NRG3: variants seen among roughly 807,000 people sequenced by gnomAD.
NRG3 encodes neuregulin 3.
In NRG3, 31 loss-of-function variants were observed where a neutral mutation model predicts 66.9. The observed-to-expected ratio is 0.46, with a 90% CI of 0.35 to 0.63. The LOEUF (loss-of-function observed/expected upper bound fraction) is 0.63, where lower values mean the gene tolerates loss of function less well. Ranked by LOEUF, NRG3 falls within the 20% of genes least tolerant of loss-of-function variation. The pLI is 0.00. For synonymous variants in NRG3, 393 were observed against 359.4 expected, an observed-to-expected ratio of 1.09 and a Z score of -1.06; for missense variants, 910 against 878.9, an observed-to-expected ratio of 1.04 and a Z score of -0.45.
intron 1 of NRG3, among the ~76,000 whole-genome samples, chr10:82,113,176 A>C (rs775789931): frequency 3.9e-5 from 6 of 152,164 alleles, no homozygotes; most frequent in Non-Finnish European, 8.8e-5. Context: ...GCAGTGGGCT[A>C]AATGCTTTTC....
At chr10:82,729,997 G>A (rs990694631) in intron 2 of NRG3, among the ~76,000 whole-genome samples, 1 of 151,800 alleles carries the variant, frequency 6.6e-6, no homozygotes, top group Admixed American at 6.6e-5. Context: ...AAAAACCATA[G>A]CAATTTTATG....
intron 2 of NRG3, among the ~76,000 whole-genome samples, chr10:82,737,397 T>G (rs551963136): frequency 6.6e-6 from 1 of 152,312 alleles, no homozygotes; most frequent in South Asian, 2.1e-4. Flanking sequence ...TTTAATAGCT[T>G]ATTACACTCA....
chr10:82,631,727 G>C (rs1434724617), intron 2 of NRG3, among the ~76,000 whole-genome samples: 1 of 151,722 alleles, frequency 6.6e-6, no homozygotes, highest in Non-Finnish European at 1.5e-5. Flanking sequence ...GTCTTTGTTA[G>C]TTTTGTTTTT....
intron 2 of NRG3, among the ~76,000 whole-genome samples, chr10:82,631,097 G>A (rs575523211): frequency 1.3e-5 from 2 of 152,194 alleles, no homozygotes; most frequent in South Asian, 4.1e-4. Context: ...TTCTTTTCAG[G>A]ATGAGGTCTG....
chr10:82,966,578 C>T (rs1851227019), intron 6 of NRG3, among the ~76,000 whole-genome samples: 1 of 152,160 alleles, frequency 6.6e-6, no homozygotes, highest in Non-Finnish European at 1.5e-5. Context: ...TCTTCTCTCT[C>T]CTTTTGCATA....
chr10:82,818,372 G>A (rs1050543845), intron 3 of NRG3, among the ~76,000 whole-genome samples: 2 of 152,086 alleles, frequency 1.3e-5, no homozygotes, highest in Non-Finnish European at 2.9e-5. Context: ...CTGTGGAAGA[G>A]GGCAACTAAC....
rs181146414 is a variant in NRG3 at position 82,757,822 on chromosome 10, A to T, written c.1027+19172A>T. Among the ~76,000 whole-genome samples the T allele has an allele frequency of 2.4e-4, 37 of 151,742 alleles. No homozygotes were observed. In the East Asian group the frequency reaches 5.6e-3, roughly 23 times the overall value. ...GAATAATTGCTCTCACTCTAATGGA[A>T]TTTTTTTTTAAATTTCTTAACAAAT... On this transcript the variant is annotated intron_variant, in intron 3 of 8. Coordinates refer to ENST00000372141, the MANE Select transcript of NRG3 (RefSeq NM_001010848.4).
At chr10:82,088,731 A>G (rs554543736) in intron 1 of NRG3, among the ~76,000 whole-genome samples, 1 of 152,208 alleles carries the variant, frequency 6.6e-6, no homozygotes, top group South Asian at 2.1e-4. Flanking sequence ...GAAGACAGGA[A>G]GTAGGGAGCT....
chr10:82,383,635 A>C (rs2085776283), intron 2 of NRG3, among the ~76,000 whole-genome samples: 1 of 151,974 alleles, frequency 6.6e-6, no homozygotes. Context: ...CTCAATTGTT[A>C]TTTGGTAAAG....
At chr10:82,601,994 G>A (rs1240228801) in intron 2 of NRG3, among the ~76,000 whole-genome samples, 1 of 150,198 alleles carries the variant, frequency 6.7e-6, no homozygotes, top group East Asian at 2.0e-4. Context: ...AAGATGGGAG[G>A]GTTGCTCAAA....
chr10:82,627,217 T>C (rs673049), intron 2 of NRG3, among the ~76,000 whole-genome samples: 78,451 of 151,882 alleles, frequency 0.52, 21,376 homozygotes, highest in Non-Finnish European at 0.62. Flanking sequence ...TCCAGCACAT[T>C]TTCTTCAGGG....
chr10:82,206,952 A>G (rs1242052381), intron 1 of NRG3, among the ~76,000 whole-genome samples: 2 of 152,208 alleles, frequency 1.3e-5, no homozygotes, highest in African/African-American at 2.4e-5. Flanking sequence ...TTGAGGCAAG[A>G]AGCAGCTCAG....
At chr10:82,504,894 A>G (rs545524431) in intron 2 of NRG3, among the ~76,000 whole-genome samples, 41 of 152,098 alleles carry the variant, frequency 2.7e-4, no homozygotes, top group African/African-American at 9.9e-4. Flanking sequence ...TTACTACAGC[A>G]TAAACACACA....
intron 2 of NRG3, among the ~76,000 whole-genome samples, chr10:82,518,976 A>C (rs1045224055): frequency 6.6e-6 from 1 of 152,300 alleles, no homozygotes; most frequent in East Asian, 1.9e-4. Flanking sequence ...TCCCCTATGA[A>C]TCAATGTAAT....
intron 1 of NRG3, among the ~76,000 whole-genome samples, chr10:82,067,877 A>G (rs1227705972): frequency 1.3e-5 from 2 of 152,204 alleles, no homozygotes; most frequent in Admixed American, 6.5e-5. Context: ...CATGGCCCTC[A>G]GGGATATAGG....
intron 3 of NRG3, among the ~76,000 whole-genome samples, chr10:82,750,050 A>AT (rs1302564613): frequency 6.6e-6 from 1 of 152,140 alleles, no homozygotes; most frequent in African/African-American, 2.4e-5. Flanking sequence ...AACCATAATC[A>AT]TTTTCAACTC....
intron 1 of NRG3, among the ~76,000 whole-genome samples, chr10:81,970,251 G>A (rs1399627324): frequency 6.6e-5 from 10 of 152,282 alleles, no homozygotes; most frequent in Admixed American, 3.3e-4. Flanking sequence ...TAGTAAATGT[G>A]TATGTACCTG....
In NRG3 at chr10:82,323,714, C is replaced by T. The variant is rs188038165; in HGVS notation, c.824-35025C>T. On this transcript the variant is annotated intron_variant, in intron 1 of 8. Coordinates refer to ENST00000372141, the MANE Select transcript of NRG3 (RefSeq NM_001010848.4). Reference sequence around the variant, plus strand: ...TAAATTACATTTATGGTAGAGTTGCCGAGTAAAGTCATCTGGGATTGGAGT... The same window carrying T: ...TAAATTACATTTATGGTAGAGTTGCTGAGTAAAGTCATCTGGGATTGGAGT... Among the ~76,000 whole-genome samples the T allele has an allele frequency of 2.6e-3, 391 of 150,732 alleles. 1 individual carries two copies. The highest frequency in any genetic ancestry group is 7.4e-3 in the African/African-American group (303 of 41,068).
At chr10:82,876,668 G>A (rs1841845740) in intron 4 of NRG3, among the ~76,000 whole-genome samples, 1 of 152,090 alleles carries the variant, frequency 6.6e-6, no homozygotes, top group Non-Finnish European at 1.5e-5. Flanking sequence ...GAAAATCTGG[G>A]ATGTGCTAAA....
Sources: gnomAD v4.1 joint callset for allele counts (sites outside exome capture counted in the v4.1 genomes callset) on GRCh38, gnomAD v4.1.1 for gene constraint, MANE v1.5 for transcripts, NCBI Gene and HGNC (gene_info 2026-07-23, HGNC 2026-07-21) for gene names.